Variants in CRTAC1 observed in about 807,000 individuals in gnomAD.
CRTAC1 encodes cartilage acidic protein 1, also known as acidic secreted protein in cartilage.
In CRTAC1, 37 loss-of-function variants were observed where a neutral mutation model predicts 67.8. The ratio of observed to expected loss-of-function variants is 0.55; its 90% CI spans 0.42 to 0.72. CRTAC1 has a LOEUF of 0.72. CRTAC1 is among the 30% of genes least tolerant of loss of function. CRTAC1 has a pLI of 0.00. For missense variants in CRTAC1, 780 were observed against 931.6 expected, an observed-to-expected ratio of 0.84 and a Z score of 2.12; for synonymous variants, 348 against 371.0, an observed-to-expected ratio of 0.94 and a Z score of 0.71.
At chr10:97,898,878 A>G (rs927079941) in intron 8 of CRTAC1, among the ~76,000 whole-genome samples, 1 of 152,002 alleles carries the variant, frequency 6.6e-6, no homozygotes, top group Non-Finnish European at 1.5e-5. Flanking sequence ...TGCCTCTGTG[A>G]TTCTTTTTCT....
chr10:97,945,525 T>C (rs886537118), intron 2 of CRTAC1, among the ~76,000 whole-genome samples: 5 of 152,124 alleles, frequency 3.3e-5, no homozygotes, highest in African/African-American at 4.8e-5. Context: ...AAACAGGAGA[T>C]TCACAGAATG....
chr10:97,884,231 G>C lies in CRTAC1; in HGVS notation c.1607C>G (p.Thr536Arg), dbSNP rs1267882363. The C allele has an allele frequency of 6.4e-7, 1 of 1,569,868 alleles. No homozygotes were observed. Among genetic ancestry groups the C allele is most frequent in the African/African-American group, 1.4e-5 (1 of 73,852 alleles). The change falls in exon 12 of 15, where the codon ACA becomes AGA. Residue 536 changes from threonine (T) to arginine (R), a missense_variant. Coordinates refer to ENST00000370597, the MANE Select transcript of CRTAC1 (RefSeq NM_018058.7). The stretch of plus-strand genomic sequence containing the variant: ...CTCCAGTGGGGCTGGGTCCTGAAGT[G>C]TGTCCTCATCCCGGGGGTAGAGGAT... ...LEILYPRDED[T>R]LQDPAPLECG...
chr10:97,973,548 C>T (rs2051749070), intron 2 of CRTAC1, among the ~76,000 whole-genome samples: 1 of 152,106 alleles, frequency 6.6e-6, no homozygotes, highest in East Asian at 1.9e-4. Context: ...CCTCGAAAAT[C>T]GAACTTCCTC....
chr10:97,928,707 A>G (rs2050957812), intron 3 of CRTAC1, among the ~76,000 whole-genome samples: 1 of 152,152 alleles, frequency 6.6e-6, no homozygotes, highest in South Asian at 2.1e-4. Flanking sequence ...AGGCAACTGA[A>G]CTGGGACTGG....
chr10:97,957,359 C>T (rs2051457637), intron 2 of CRTAC1, among the ~76,000 whole-genome samples: 1 of 152,126 alleles, frequency 6.6e-6, no homozygotes, highest in Non-Finnish European at 1.5e-5. Flanking sequence ...GGGCCGGGGA[C>T]AGCACCAACA....
At chr10:98,010,603 C>T (rs1428221450) in intron 2 of CRTAC1, among the ~76,000 whole-genome samples, 1 of 152,100 alleles carries the variant, frequency 6.6e-6, no homozygotes, top group Non-Finnish European at 1.5e-5. Context: ...AGAAAGGAGC[C>T]GTGGGCAACA....
At position 98,021,633 on chromosome 10, in the gene CRTAC1, T is replaced by C. The variant is rs571850129; in HGVS notation, c.24+8816A>G. 2.2e-4 allele frequency among the ~76,000 whole-genome samples: 34 copies of C among 152,264 alleles called. No homozygotes were observed. The South Asian group carries it at 5.6e-3, about 25-fold the overall frequency. On this transcript the variant is annotated intron_variant, in intron 1 of 14. Transcript: ENST00000370597. ...TAAGTGCTGAGCATAATGCCTGGCA[T>C]AGAGAAAGTCCACACGTGGTAGGTA... is the stretch of plus-strand genomic sequence containing the variant.
chr10:97,901,165 G>C (rs1329039309), intron 8 of CRTAC1, among the ~76,000 whole-genome samples: 2 of 152,032 alleles, frequency 1.3e-5, no homozygotes, highest in Non-Finnish European at 2.9e-5. Flanking sequence ...CCCTTTTCCT[G>C]GTAGTGATTG....
chr10:97,953,697 C>G (rs962426921), intron 2 of CRTAC1, among the ~76,000 whole-genome samples: 1 of 152,162 alleles, frequency 6.6e-6, no homozygotes, highest in South Asian at 2.1e-4. Flanking sequence ...AACTAAAGCC[C>G]GAGGTCAGTC....
At chr10:98,005,100 A>ATTTTTTTTTTTTTTTTTTTTTTTT (rs10683960) in intron 2 of CRTAC1, among the ~76,000 whole-genome samples, 1 of 48,884 alleles carries the variant, frequency 2.0e-5, no homozygotes, top group Non-Finnish European at 3.5e-5. Flanking sequence ...ATATATATAT[A>ATTTTTTTTTTTTTTTTTTTTTTTT]TTTTTTTTTT....
intron 2 of CRTAC1, among the ~76,000 whole-genome samples, chr10:98,009,853 G>A (rs776378470): frequency 1.3e-5 from 2 of 152,056 alleles, no homozygotes; most frequent in African/African-American, 2.4e-5. Context: ...TTCAGATCCC[G>A]ACTTATCTAC....
intron 3 of CRTAC1, among the ~76,000 whole-genome samples, chr10:97,931,236 T>C (rs1319280564): frequency 1.3e-5 from 2 of 152,218 alleles, no homozygotes; most frequent in African/African-American, 4.8e-5. Flanking sequence ...GCATATTTGG[T>C]CGACACGAAC....
At chr10:97,906,286 C>G (rs2050610937) in intron 6 of CRTAC1, among the ~76,000 whole-genome samples, 1 of 152,188 alleles carries the variant, frequency 6.6e-6, no homozygotes, top group South Asian at 2.1e-4. Context: ...AACTCCTCGG[C>G]CCAAATGTCG....
At chr10:97,925,798 G>T (rs1431310314) in intron 3 of CRTAC1, among the ~76,000 whole-genome samples, 2 of 152,302 alleles carry the variant, frequency 1.3e-5, no homozygotes, top group African/African-American at 4.8e-5. Flanking sequence ...AGTCAAGTGT[G>T]TGTGTGGAAG....
At chr10:97,876,945 GTTTTTTTTTTTT>G (rs71007368) in intron 14 of CRTAC1, among the ~76,000 whole-genome samples, 109 of 53,434 alleles carry the variant, frequency 2.0e-3, no homozygotes, top group Admixed American at 2.8e-3. Flanking sequence ...AGGAGGCTCT[GTTTTTTTTTTTT>G]TTTTTTTTTT....
intron 11 of CRTAC1, among the ~76,000 whole-genome samples, chr10:97,886,726 C>T (rs1343480299): frequency 2.0e-5 from 3 of 149,312 alleles, no homozygotes; most frequent in Non-Finnish European, 4.4e-5. Context: ...CTCACTGCAA[C>T]CTCCCCCTCC....
chr10:97,876,602 G>A (rs1055307786), intron 14 of CRTAC1, among the ~76,000 whole-genome samples: 41 of 152,132 alleles, frequency 2.7e-4, no homozygotes, highest in African/African-American at 9.4e-4. Flanking sequence ...AATCCCTTCC[G>A]GGTCCATTTC....
At chr10:97,904,512 C>G (rs189398704) in intron 7 of CRTAC1, among the ~76,000 whole-genome samples, 157 bp downstream of exon 7, 2 of 152,296 alleles carry the variant, frequency 1.3e-5, no homozygotes, top group African/African-American at 4.8e-5. Flanking sequence ...ACCTCTGCCT[C>G]CTGGGCTCAA....
chr10:97,945,244 A>AGGAAGTTGGTACTT (rs1262842842), intron 2 of CRTAC1, among the ~76,000 whole-genome samples: 2 of 152,140 alleles, frequency 1.3e-5, no homozygotes, highest in African/African-American at 2.4e-5. Flanking sequence ...CTTGGATCTG[A>AGGAAGTTGGTACTT]GGATATGGGA....
Sources: gnomAD v4.1 joint callset for allele counts (sites outside exome capture counted in the v4.1 genomes callset) on GRCh38, gnomAD v4.1.1 for gene constraint, MANE v1.5 for transcripts, NCBI Gene and HGNC (gene_info 2026-07-23, HGNC 2026-07-21) for gene names.